Variants in PCDHA3 observed in about 807,000 individuals in gnomAD.
PCDHA3 encodes the protein protocadherin alpha-3.
In PCDHA3, 41 loss-of-function variants were observed where a neutral mutation model predicts 62.2. That is an observed-to-expected ratio of 0.66 (90% confidence interval 0.51 to 0.86). The LOEUF is 0.86. Ranked by LOEUF, PCDHA3 falls within the 40% of genes least tolerant of loss-of-function variation. PCDHA3 has a pLI of 0.00. For missense variants in PCDHA3, 1,304 were observed against 1,241.2 expected (o/e 1.05, Z -0.76); for synonymous variants, 640 against 555.4 (o/e 1.15, Z -2.14).
At chr5:140,836,431 C>G (rs2150260872) in intron 1 of PCDHA3, 14 of 1,613,820 alleles carry the variant, frequency 8.7e-6, no homozygotes, top group Admixed American at 1.7e-5. Flanking sequence ...TCGCGGGCAT[C>G]GTTGGGCATT....
chr5:140,892,580 A>C (rs1462175198), intron 1 of PCDHA3, among the ~76,000 whole-genome samples: 2 of 152,198 alleles, frequency 1.3e-5, no homozygotes, highest in Admixed American at 1.3e-4. Context: ...AGTATATCTC[A>C]GTATTCATTC....
At chr5:140,906,092 A>G (rs985090106) in intron 1 of PCDHA3, among the ~76,000 whole-genome samples, 2 of 152,140 alleles carry the variant, frequency 1.3e-5, no homozygotes, top group Non-Finnish European at 2.9e-5. Context: ...GACTGAGAGT[A>G]AGTGTGTCTT....
chr5:140,829,028 G>T (rs2150162015), intron 1 of PCDHA3: 1 of 1,613,544 alleles, frequency 6.2e-7, no homozygotes, highest in South Asian at 1.1e-5. Flanking sequence ...TTTTGAACAA[G>T]AAAACTTATA....
At chr5:140,835,924 GC>G (rs1243160712) in intron 1 of PCDHA3, 2 of 1,612,294 alleles carry the variant, frequency 1.2e-6, no homozygotes, top group Non-Finnish European at 1.7e-6. Flanking sequence ...CACGCGGAGA[GC>G]GGCAAGGTGT....
intron 3 of PCDHA3, among the ~76,000 whole-genome samples, chr5:141,007,067 G>A (rs1352139121): frequency 1.3e-5 from 2 of 152,164 alleles, no homozygotes; most frequent in African/African-American, 4.8e-5. Flanking sequence ...AAAGGAGAGA[G>A]TGAAGAGAAA....
chr5:140,973,923 C>T (rs1157032594), intron 1 of PCDHA3, among the ~76,000 whole-genome samples: 1 of 152,170 alleles, frequency 6.6e-6, no homozygotes, highest in African/African-American at 2.4e-5. Flanking sequence ...TCACCAAACC[C>T]AGAGGTTTAG....
rs782597617 is a variant in PCDHA3 at position 140,803,578 on chromosome 5, A to T, written c.2381A>T (p.Asp794Val). ...DREEKQDVDV[D>V]LSAKPRQPNP... Reference sequence around the variant, plus strand: ...GAGGAGAAACAGGATGTGGACGTTGATCTCTCAGCCAAAGTGAGTAATTTT... The same window carrying T: ...GAGGAGAAACAGGATGTGGACGTTGTTCTCTCAGCCAAAGTGAGTAATTTT... Residue 794 changes from aspartate (D) to valine (V), a missense_variant, in exon 1 of 4, where the codon GAT becomes GTT. Coordinates refer to ENST00000522353, the MANE Select transcript of PCDHA3 (RefSeq NM_018906.3). 2 of 1,614,086 alleles carry T rather than the reference A, an allele frequency of 1.2e-6. No individual in the cohort carries two copies. The highest frequency in any genetic ancestry group is 2.7e-5 in the African/African-American group (2 of 74,934).
At chr5:140,852,819 T>C in intron 1 of PCDHA3, 1 of 969,756 alleles carries the variant, frequency 1.0e-6, no homozygotes, top group Non-Finnish European at 1.2e-6. Flanking sequence ...CCGCCCTAAG[T>C]CCTCCAGTCT....
intron 1 of PCDHA3, chr5:140,926,562 C>CT (rs1271947865): frequency 1.6e-5 from 4 of 250,352 alleles, no homozygotes; most frequent in African/African-American, 8.9e-5. Context: ...CAGCCCGCTG[C>CT]TACTGGAGAC....
At chr5:140,860,209 G>A (rs1263350528) in intron 1 of PCDHA3, 13 of 147,554 alleles carry the variant, frequency 8.8e-5, no homozygotes, top group Middle Eastern at 7.1e-3. Context: ...ATCTATATAT[G>A]TACTTATGTA....
rs2150455604 is a variant in PCDHA3, at chr5:140,849,875, C to T, written c.2394+46284C>T. The T allele has an allele frequency of 6.9e-5, 111 of 1,598,488 alleles. 9 individuals are homozygous for T. The highest frequency in any genetic ancestry group is 8.0e-5 in the Non-Finnish European group (93 of 1,168,004). On this transcript the variant is annotated intron_variant, in intron 1 of 3. Transcript: ENST00000522353. ...CACCAGCGTTCGCGCAGTCCGAGTA[C>T]ACGGTGTTCGTGAAGGAGAACAACC...
intron 1 of PCDHA3, chr5:140,868,166 T>G (rs1427031961): frequency 1.3e-5 from 2 of 152,120 alleles, no homozygotes; most frequent in Non-Finnish European, 2.9e-5. Flanking sequence ...AGTGCTAAAT[T>G]TTGATATCTC....
chr5:140,827,905 C>T, intron 1 of PCDHA3: 1 of 798,712 alleles, frequency 1.3e-6, no homozygotes, highest in Non-Finnish European at 2.0e-6. Flanking sequence ...TTTGGAGCCG[C>T]ATGATGTCGC....
chr5:140,869,840 A>G (rs782569950), intron 1 of PCDHA3: 32 of 1,611,616 alleles, frequency 2.0e-5, no homozygotes, highest in Non-Finnish European at 2.6e-5. Context: ...GATAAATCAG[A>G]ATATAAGGTG....
At chr5:140,858,251 C>A in intron 1 of PCDHA3, 1 of 1,596,688 alleles carries the variant, frequency 6.3e-7, no homozygotes, top group East Asian at 2.2e-5. Context: ...GCCGGTGAAG[C>A]CCACGCTGGT....
intron 1 of PCDHA3, chr5:140,851,223 A>G (rs1230955113): frequency 8.7e-7 from 1 of 1,147,336 alleles, no homozygotes; most frequent in Non-Finnish European, 1.1e-6. Flanking sequence ...TAACATCACT[A>G]TCATTTATTT....
intron 1 of PCDHA3, among the ~76,000 whole-genome samples, chr5:140,959,594 A>G (rs1420498368): frequency 6.6e-6 from 1 of 152,220 alleles, no homozygotes; most frequent in African/African-American, 2.4e-5. Flanking sequence ...TCAGCCAAGT[A>G]TAACATGCTT....
intron 1 of PCDHA3, chr5:140,823,290 T>C (rs1767640734): frequency 9.9e-6 from 16 of 1,611,998 alleles, no homozygotes; most frequent in Non-Finnish European, 1.2e-5. Context: ...CGCTGTCGAG[T>C]TACGTTTCGG....
chr5:140,968,813 A>T, intron 1 of PCDHA3: 2 of 1,614,194 alleles, frequency 1.2e-6, no homozygotes, highest in Non-Finnish European at 1.7e-6. Context: ...TGTGGTGGAT[A>T]GGGTTTCCAA....
Sources: allele counts gnomAD v4.1 joint callset (sites outside exome capture counted in the v4.1 genomes callset), GRCh38; gene constraint gnomAD v4.1.1; transcripts MANE v1.5; gene names NCBI Gene and HGNC (gene_info 2026-07-23, HGNC 2026-07-21).